LYPD1: variants seen among roughly 807,000 people sequenced by gnomAD.
The protein encoded by LYPD1 is LY6/PLAUR domain containing 1.
Under a neutral mutation model 14.2 loss-of-function variants are expected in LYPD1, and 14 were observed. The ratio of observed to expected loss-of-function variants is 0.99; its 90% CI spans 0.65 to 1.54. The LOEUF is 1.54. LYPD1 is among the 40% of genes most tolerant of loss of function. The pLI is 0.00. For synonymous variants in LYPD1, 85 were observed against 70.6 expected, an observed-to-expected ratio of 1.20 and a Z score of -1.02; for missense variants, 165 against 175.7, an observed-to-expected ratio of 0.94 and a Z score of 0.34.
Position 132,665,927 on chromosome 2 carries a change from C to A in LYPD1, c.190+2473G>T, listed in dbSNP as rs1683244267. On this transcript the variant is annotated intron_variant, in intron 2 of 2. Transcript: ENST00000397463. ...TAGTATGCTGAGATTCTCAGGACAA[C>A]ATATGTTATTGATCAAACTTGAAAG... Among the ~76,000 whole-genome samples the A allele has an allele frequency of 1.3e-5, 2 of 152,148 alleles. 1 individual carries two copies. Among genetic ancestry groups the A allele is most frequent in the South Asian group, 4.1e-4 (2 of 4,826 alleles).
At chr2:132,665,517 C>G (rs548045812) in intron 2 of LYPD1, among the ~76,000 whole-genome samples, 1 of 152,172 alleles carries the variant, frequency 6.6e-6, no homozygotes. Context: ...ACTCTTTGAA[C>G]TTTGCCTGGA....
chr2:132,650,568 A>G (rs376640423), intron 2 of LYPD1, among the ~76,000 whole-genome samples: 216 of 152,318 alleles, frequency 1.4e-3, no homozygotes, highest in African/African-American at 4.8e-3. Context: ...TCTATCTATC[A>G]CCAGGGAAGT....
chr2:132,670,224 G>A (rs1013282814), upstream of LYPD1: 5 of 876,278 alleles, frequency 5.7e-6, no homozygotes, highest in Admixed American at 4.7e-5. The surrounding 1 kb of genome is among the most constrained non-coding windows in gnomAD (Gnocchi z 4.5). Flanking sequence ...GCGATCGGGA[G>A]CACCCACAAA....
intron 2 of LYPD1, among the ~76,000 whole-genome samples, chr2:132,648,499 C>T (rs567471696): frequency 8.7e-5 from 13 of 149,488 alleles, no homozygotes; most frequent in East Asian, 5.9e-4. Context: ...ACATCCTATA[C>T]GCTATTCTGC....
chr2:132,662,365 A>G (rs1683001225), intron 2 of LYPD1, among the ~76,000 whole-genome samples: 2 of 152,232 alleles, frequency 1.3e-5, no homozygotes, highest in Admixed American at 1.3e-4. Flanking sequence ...GGGGGAGGCT[A>G]AGCCCCTGGG....
At chr2:132,648,544 C>CTTATT (rs1311567739) in intron 2 of LYPD1, among the ~76,000 whole-genome samples, 1 of 152,178 alleles carries the variant, frequency 6.6e-6, no homozygotes, top group African/African-American at 2.4e-5. Flanking sequence ...TGGCTGGGAG[C>CTTATT]TTATTTTTAA....
At chr2:132,658,672 T>G (rs575798575) in intron 2 of LYPD1, among the ~76,000 whole-genome samples, 16 of 152,364 alleles carry the variant, frequency 1.1e-4, no homozygotes, top group Admixed American at 2.6e-4. Context: ...TTTGCTTCCC[T>G]TTGTGGTTTA....
At chr2:132,670,937 CG>C (rs1449020613), upstream of LYPD1, among the ~76,000 whole-genome samples, 1 of 152,160 alleles carries the variant, frequency 6.6e-6, no homozygotes, top group Non-Finnish European at 1.5e-5. The surrounding 1 kb of genome is among the most constrained non-coding windows in gnomAD (Gnocchi z 4.5). Flanking sequence ...AACGCCGTCC[CG>C]GGGACACCTG....
At position 132,670,147 on chromosome 2, in the gene LYPD1, C is replaced by T. The variant is rs1196181393; in HGVS notation, c.-215G>A. The T allele has an allele frequency of 1.4e-5, 19 of 1,379,304 alleles. No homozygotes were observed. In the East Asian group the frequency reaches 3.3e-4, roughly 24 times the overall value. 85.4% of individuals were successfully genotyped at this position (1,379,304 alleles called of 1,614,324 possible). A position where few individuals can be genotyped will look rare whatever the true frequency, so the allele number is the denominator to read the frequency against. On this transcript the variant is annotated 5_prime_UTR_variant, in exon 1 of 3. Transcript: ENST00000397463. This position sits in a 1 kb window ranked among gnomAD's most constrained non-coding sequence, Gnocchi z 4.5. ...CTCCCGGCTGCGGGTCTCTGCTCCT[C>T]CCGCTCGCGCTCCCGGGCCGAGCAC...
intron 2 of LYPD1, among the ~76,000 whole-genome samples, chr2:132,646,909 A>G (rs1682124139): frequency 6.6e-6 from 1 of 152,230 alleles, no homozygotes; most frequent in African/African-American, 2.4e-5. Context: ...GCCATCTGCC[A>G]AGCCAGTACC....
chr2:132,666,188 ACT>A (rs971439150), intron 2 of LYPD1, among the ~76,000 whole-genome samples: 1 of 152,134 alleles, frequency 6.6e-6, no homozygotes, highest in African/African-American at 2.4e-5. Context: ...TTATACTACA[ACT>A]GTGTTCACTT....
At position 132,669,270 on chromosome 2, in the gene LYPD1, A is replaced by T. The variant is rs113507247; in HGVS notation, c.52+611T>A. On this transcript the variant is annotated intron_variant, in intron 1 of 2. Transcript: ENST00000397463. This position sits in a 1 kb window ranked among gnomAD's most constrained non-coding sequence, Gnocchi z 4.3. ...TCAGGACAACCGTTCGACTAGGGTC[A>T]GTGGTCGGGGTTCCAGCTCTGCAGA... Among the ~76,000 whole-genome samples the T allele has an allele frequency of 6.6e-6, 1 of 152,122 alleles. No individual in the cohort carries two copies. The highest frequency in any genetic ancestry group is 2.4e-5 in the African/African-American group (1 of 41,440).
chr2:132,659,120 T>A (rs1573742420), intron 2 of LYPD1, among the ~76,000 whole-genome samples: 1 of 152,274 alleles, frequency 6.6e-6, no homozygotes, highest in East Asian at 1.9e-4. Flanking sequence ...CAGCTATTTC[T>A]AGTTTAACTA....
intron 2 of LYPD1, among the ~76,000 whole-genome samples, chr2:132,659,555 T>C (rs1382637764): frequency 6.6e-6 from 1 of 152,212 alleles, no homozygotes; most frequent in Non-Finnish European, 1.5e-5. Context: ...TGAAATTGTT[T>C]CTGGATCTTA....
In LYPD1 at chr2:132,645,207, G is replaced by T. The variant is rs369523811; in HGVS notation, c.*838C>A. 1 of 1,614,160 alleles carries T rather than the reference G, an allele frequency of 6.2e-7. No individual in the cohort carries two copies. The highest frequency in any genetic ancestry group is 2.2e-5 in the East Asian group (1 of 44,876). Reference sequence around the variant, plus strand: ...ACTGGACGAGGTCCTACTTCCGGGCGTACATGATCCTCCTCCCCTTCTCGG... The same window carrying T: ...ACTGGACGAGGTCCTACTTCCGGGCTTACATGATCCTCCTCCCCTTCTCGG... On this transcript the variant is annotated 3_prime_UTR_variant, in exon 3 of 3. Transcript: ENST00000397463.
intron 2 of LYPD1, among the ~76,000 whole-genome samples, chr2:132,654,984 G>A (rs907338745): frequency 2.0e-5 from 3 of 151,986 alleles, no homozygotes; most frequent in African/African-American, 2.4e-5. Context: ...TCCTGACCTC[G>A]TGATCCCAAA....
At chr2:132,660,488 G>A (rs907480260) in intron 2 of LYPD1, 2 of 152,226 alleles carry the variant, frequency 1.3e-5, no homozygotes, top group Admixed American at 6.5e-5. Flanking sequence ...TGTGAAAAGA[G>A]TTTCAGAATC....
In LYPD1 at chr2:132,645,378, G is replaced by T. The variant is rs1320508328; in HGVS notation, c.*667C>A. 6.2e-7 allele frequency: 1 copy of T among 1,613,750 alleles called. No individual in the cohort carries two copies. ...ACGAGAAGCGCCTGCGCGTACATGCGCACTCCACCACCGACAGCGCCCGCT... is the reference window on the plus strand; with the variant it reads ...ACGAGAAGCGCCTGCGCGTACATGCTCACTCCACCACCGACAGCGCCCGCT... On this transcript the variant is annotated 3_prime_UTR_variant, in exon 3 of 3. Coordinates refer to ENST00000397463, the MANE Select transcript of LYPD1 (RefSeq NM_144586.7).
chr2:132,666,143 C>T (rs1267146209), intron 2 of LYPD1, among the ~76,000 whole-genome samples: 3 of 152,122 alleles, frequency 2.0e-5, no homozygotes, highest in South Asian at 2.1e-4. Context: ...ATGCCTTGGG[C>T]GCTCAACAAC....
Sources: allele counts gnomAD v4.1 joint callset (sites outside exome capture counted in the v4.1 genomes callset), GRCh38; gene constraint gnomAD v4.1.1; non-coding constraint Gnocchi (gnomAD v3.1); transcripts MANE v1.5; gene names NCBI Gene and HGNC (gene_info 2026-07-23, HGNC 2026-07-21).